MYLK4: variants seen among roughly 807,000 people sequenced by gnomAD.
MYLK4 encodes caMLCK like.
Under a neutral mutation model 48.1 loss-of-function variants are expected in MYLK4, and 46 were observed. The ratio of observed to expected loss-of-function variants is 0.96; its 90% CI spans 0.75 to 1.22. The LOEUF (loss-of-function observed/expected upper bound fraction) is 1.22. Among genes scored for constraint, MYLK4 ranks in the 50% most tolerant of loss-of-function variants. The pLI is 0.00. For missense variants in MYLK4, 451 were observed against 486.1 expected (o/e 0.93, Z 0.68); for synonymous variants, 170 against 180.8 (o/e 0.94, Z 0.48).
In MYLK4 at chr6:2,749,370, GA is replaced by G. The variant is rs1212155511; in HGVS notation, c.-77del. ...CCTCTGTCTCCGATTTATAAATCAGGACACAATTATGACTCTTCAGTGCTTC... is the reference window on the plus strand; with the variant it reads ...CCTCTGTCTCCGATTTATAAATCAGGCACAATTATGACTCTTCAGTGCTTC... On this transcript the variant is annotated 5_prime_UTR_variant, in exon 2 of 13. Transcript: ENST00000274643. 2.4e-6 allele frequency: 3 copies of G among 1,233,908 alleles called. No individual in the cohort carries two copies. In the East Asian group the frequency reaches 7.0e-5, roughly 29 times the overall value. The allele number at this position is 1,233,908 out of a possible 1,614,324, so 76.4% of individuals were successfully genotyped here.
intron 2 of MYLK4, among the ~76,000 whole-genome samples, chr6:2,713,328 C>T (rs1478171675): frequency 6.6e-6 from 1 of 150,790 alleles, no homozygotes; most frequent in Admixed American, 6.6e-5. Flanking sequence ...CAAGATCGAT[C>T]GCATCATTGG....
the MYLK4 span, among the ~76,000 whole-genome samples, chr6:2,759,714 C>T: frequency 1.3e-5 from 2 of 152,278 alleles, no homozygotes; most frequent in East Asian, 1.9e-4. Context: ...ATAAACCTTT[C>T]CCCTCATCAA....
intron 2 of MYLK4, among the ~76,000 whole-genome samples, chr6:2,724,092 G>A (rs1431522681): frequency 6.6e-6 from 1 of 152,032 alleles, no homozygotes; most frequent in African/African-American, 2.4e-5. Context: ...TGGCCAGGCT[G>A]GTCTTGAACT....
intron 2 of MYLK4, among the ~76,000 whole-genome samples, chr6:2,737,107 G>A (rs1049487957): frequency 6.6e-6 from 1 of 152,174 alleles, no homozygotes; most frequent in Admixed American, 6.5e-5. Context: ...GAGGTCAAGA[G>A]ATCGAGACCA....
At chr6:2,710,988 A>C (rs1762651095) in intron 2 of MYLK4, among the ~76,000 whole-genome samples, 1 of 152,160 alleles carries the variant, frequency 6.6e-6, no homozygotes, top group African/African-American at 2.4e-5. Context: ...CATTTCTTGC[A>C]CTCACTTGTC....
the MYLK4 span, among the ~76,000 whole-genome samples, chr6:2,756,210 T>C: frequency 6.6e-6 from 1 of 152,322 alleles, no homozygotes; most frequent in African/African-American, 2.4e-5. Context: ...AAAGAAGAGC[T>C]TTCCATCCCC....
In MYLK4 at chr6:2,718,859, C is replaced by T. The variant is rs561986744; in HGVS notation, c.160-26000G>A. ...CATGTAATTTCTCAACAGGAAATAA[C>T]AGAAGTATGGCTGCTATGATAAGGA... On this transcript the variant is annotated intron_variant, in intron 2 of 12. Transcript: ENST00000274643. 2.6e-5 allele frequency among the ~76,000 whole-genome samples: 4 copies of T among 152,294 alleles called. No individual in the cohort carries two copies. In the South Asian group the frequency reaches 8.3e-4, roughly 32 times the overall value.
chr6:2,691,037 A>G (rs933933373), intron 3 of MYLK4, among the ~76,000 whole-genome samples: 3 of 152,010 alleles, frequency 2.0e-5, no homozygotes, highest in African/African-American at 7.2e-5. Context: ...TCACCGTGTT[A>G]GCCAGGATGG....
intron 2 of MYLK4, among the ~76,000 whole-genome samples, chr6:2,748,350 A>G (rs1055184628): frequency 6.6e-6 from 1 of 152,220 alleles, no homozygotes. Flanking sequence ...GGTGATCAAC[A>G]TGTTCAAAAC....
chr6:2,694,831 G>GTT (rs1185045515), intron 2 of MYLK4, among the ~76,000 whole-genome samples: 1 of 151,962 alleles, frequency 6.6e-6, no homozygotes, highest in Non-Finnish European at 1.5e-5. Flanking sequence ...TTTAGAAATG[G>GTT]TAGAGCTAGG....
chr6:2,730,750 G>A (rs180966311), intron 2 of MYLK4, among the ~76,000 whole-genome samples: 2 of 151,736 alleles, frequency 1.3e-5, no homozygotes, highest in African/African-American at 2.4e-5. Context: ...AAAAAAATAC[G>A]AAGTGAAAAA....
Position 2,672,106 on chromosome 6 carries a change from G to T in MYLK4, c.1120-758C>A, listed in dbSNP as rs1037273924. On this transcript the variant is annotated intron_variant, in intron 11 of 12. Transcript: ENST00000274643. This position sits in a 1 kb window ranked among gnomAD's most constrained non-coding sequence, Gnocchi z 4.3. ...GTTGTTTTATTAGTTCACTGAGAGG[G>T]CATGAGCCGAGGTCACAACACTGAG... is the stretch of plus-strand genomic sequence containing the variant. 6.6e-6 allele frequency among the ~76,000 whole-genome samples: 1 copy of T among 152,194 alleles called. No homozygotes were observed. The highest frequency in any genetic ancestry group is 1.5e-5 in the Non-Finnish European group (1 of 68,038).
At chr6:2,767,171 G>A in the MYLK4 span, among the ~76,000 whole-genome samples, 14 of 152,206 alleles carry the variant, frequency 9.2e-5, no homozygotes, top group Non-Finnish European at 2.1e-4. Flanking sequence ...CGTTCCAGAT[G>A]AGGGCAGTTA....
Position 2,734,282 on chromosome 6 carries a change from C to T in MYLK4, c.159+14854G>A, listed in dbSNP as rs149241733. On this transcript the variant is annotated intron_variant, in intron 2 of 12. Transcript: ENST00000274643. ...CTGCTGCTTTGCTGACAAGGACAGA[C>T]CAAGGAATTTCCATGCTGCGGTCTG... 2.4e-4 allele frequency among the ~76,000 whole-genome samples: 36 copies of T among 152,262 alleles called. No homozygotes were observed. In the East Asian group the frequency reaches 6.9e-3, roughly 29 times the overall value.
intron 2 of MYLK4, among the ~76,000 whole-genome samples, chr6:2,695,127 A>G (rs1762013761): frequency 6.6e-6 from 1 of 152,242 alleles, no homozygotes; most frequent in Non-Finnish European, 1.5e-5. Context: ...TTTTGAAAGC[A>G]TATATCCAAA....
intron 2 of MYLK4, among the ~76,000 whole-genome samples, chr6:2,747,641 C>T (rs1041247206): frequency 6.6e-6 from 1 of 152,104 alleles, no homozygotes; most frequent in African/African-American, 2.4e-5. Context: ...AGGTATGAGC[C>T]ATGTGTCCTG....
intron 2 of MYLK4, among the ~76,000 whole-genome samples, chr6:2,693,560 G>A (rs993325864): frequency 6.6e-6 from 1 of 152,074 alleles, no homozygotes; most frequent in African/African-American, 2.4e-5. Flanking sequence ...CATATAAAAG[G>A]GAAACATTAG....
At chr6:2,753,308 A>G (rs1227384850), upstream of MYLK4, among the ~76,000 whole-genome samples, 1 of 152,224 alleles carries the variant, frequency 6.6e-6, no homozygotes, top group Non-Finnish European at 1.5e-5. Context: ...CGGCTGGATT[A>G]CACTAAGAGT....
intron 2 of MYLK4, among the ~76,000 whole-genome samples, chr6:2,732,418 C>T (rs1362621450): frequency 6.6e-6 from 1 of 152,156 alleles, no homozygotes; most frequent in Non-Finnish European, 1.5e-5. Flanking sequence ...TTTCTTTGGC[C>T]TCTTCTATAG....
Sources: allele counts gnomAD v4.1 joint callset (sites outside exome capture counted in the v4.1 genomes callset), GRCh38; gene constraint gnomAD v4.1.1; non-coding constraint Gnocchi (gnomAD v3.1); transcripts MANE v1.5; gene names NCBI Gene and HGNC (gene_info 2026-07-23, HGNC 2026-07-21).